The following ZMAT4 variants were observed in gnomAD, a reference collection of about 807,000 sequenced individuals.
ZMAT4 encodes the protein zinc finger matrin-type 4.
A neutral mutation model predicts 28.7 loss-of-function variants in ZMAT4; 17 were observed. That is an observed-to-expected ratio of 0.59 (90% CI 0.41 to 0.89). The LOEUF is 0.89. ZMAT4 is among the 40% of genes least tolerant of loss of function. The probability of loss-of-function intolerance (pLI) is 0.00; values close to 1 mark genes in which losing one functional copy is unlikely to be tolerated. For synonymous variants in ZMAT4, 117 were observed against 109.2 expected (o/e 1.07, Z -0.44); for missense variants, 240 against 283.8 (o/e 0.85, Z 1.11).
chr8:40,743,683 A>C (rs896028483), intron 3 of ZMAT4, among the ~76,000 whole-genome samples: 1 of 152,214 alleles, frequency 6.6e-6, no homozygotes, highest in Non-Finnish European at 1.5e-5. Flanking sequence ...CATACACCGC[A>C]AAACAGAATT....
At chr8:40,820,249 TATG>T (rs1815705328) in intron 2 of ZMAT4, among the ~76,000 whole-genome samples, 11 of 151,154 alleles carry the variant, frequency 7.3e-5, no homozygotes, top group Admixed American at 4.6e-4. Context: ...TGTGCGCATA[TATG>T]TGAGTATTGG....
In ZMAT4 at chr8:40,831,056, C is replaced by T. The variant is rs149009941; in HGVS notation, c.-4-5376G>A. On this transcript the variant is annotated intron_variant, in intron 1 of 6. Coordinates refer to ENST00000297737, the MANE Select transcript of ZMAT4 (RefSeq NM_024645.3). ...CGTTATTCTTATTTTCAAAGGAATG[C>T]TGTAAATATTTAAGAAGAGAAATAA... Among the ~76,000 whole-genome samples, 845 of 152,224 alleles carry T rather than the reference C, an allele frequency of 5.6e-3. 9 individuals carry two copies. The highest frequency in any genetic ancestry group is 0.031 in the Middle Eastern group (9 of 294).
chr8:40,801,996 A>T (rs2150587975), intron 2 of ZMAT4, among the ~76,000 whole-genome samples: 1 of 152,360 alleles, frequency 6.6e-6, no homozygotes, highest in Admixed American at 6.5e-5. Flanking sequence ...CTATTAAAAG[A>T]TGCAGAAAAA....
intron 5 of ZMAT4, among the ~76,000 whole-genome samples, chr8:40,608,990 G>C (rs890076031): frequency 6.6e-6 from 1 of 152,164 alleles, no homozygotes; most frequent in Non-Finnish European, 1.5e-5. Flanking sequence ...TTCCTGGTAT[G>C]TTCCTGCGGT....
At position 40,530,889 on chromosome 8, in the gene ZMAT4, C is replaced by G. The variant is rs1308450072; in HGVS notation, c.*1334G>C. On this transcript the variant is annotated 3_prime_UTR_variant, in exon 7 of 7. Transcript: ENST00000297737. Reference sequence around the variant, plus strand: ...ATTTTGAACACAGGTAAACAGGCTCCTTCATAACAACACTGTGCATTTCTG... The same window carrying G: ...ATTTTGAACACAGGTAAACAGGCTCGTTCATAACAACACTGTGCATTTCTG... The G allele has an allele frequency of 3.3e-5, 5 of 152,574 alleles. No homozygotes were observed. The highest frequency in any genetic ancestry group is 3.3e-4 in the Admixed American group (5 of 15,274). The allele number at this position is 152,574 out of a possible 1,614,324, so 9.5% of individuals were successfully genotyped here. A position where few individuals can be genotyped will look rare whatever the true frequency, so the allele number is the denominator to read the frequency against.
intron 2 of ZMAT4, among the ~76,000 whole-genome samples, chr8:40,791,916 G>A (rs1043915681): frequency 2.0e-5 from 3 of 152,150 alleles, no homozygotes; most frequent in African/African-American, 7.2e-5. Context: ...GAGGGCCGCT[G>A]CACAGCAGAG....
At chr8:40,615,825 C>G (rs1045610652) in intron 5 of ZMAT4, among the ~76,000 whole-genome samples, 1 of 152,046 alleles carries the variant, frequency 6.6e-6, no homozygotes, top group Admixed American at 6.6e-5. Context: ...GTTAGCTATT[C>G]GTCTAATCTT....
chr8:40,598,209 CT>C (rs563305352), intron 5 of ZMAT4, among the ~76,000 whole-genome samples: 145 of 152,176 alleles, frequency 9.5e-4, no homozygotes, highest in Admixed American at 1.8e-3. Context: ...TGTTTGTTTG[CT>C]TTTTACTTTA....
chr8:40,697,939 A>T (rs1019085807), intron 3 of ZMAT4, among the ~76,000 whole-genome samples: 1 of 152,184 alleles, frequency 6.6e-6, no homozygotes, highest in African/African-American at 2.4e-5. Context: ...CTCTAATTGG[A>T]CCCATTATAC....
chr8:40,659,764 G>A (rs1337085559), intron 5 of ZMAT4, among the ~76,000 whole-genome samples: 2 of 152,102 alleles, frequency 1.3e-5, no homozygotes, highest in Admixed American at 1.3e-4. Context: ...GGAGACTGAG[G>A]CCCAGAGAGA....
intron 3 of ZMAT4, among the ~76,000 whole-genome samples, chr8:40,723,073 G>A (rs1237757524): frequency 6.6e-6 from 1 of 152,150 alleles, no homozygotes; most frequent in Non-Finnish European, 1.5e-5. Context: ...CAGCAACAGA[G>A]GTGTCACTTG....
intron 3 of ZMAT4, among the ~76,000 whole-genome samples, chr8:40,761,890 T>G (rs1038522387): frequency 1.3e-5 from 2 of 152,244 alleles, no homozygotes; most frequent in Non-Finnish European, 2.9e-5. Flanking sequence ...ACAGCAATTA[T>G]ATTGCTTGAT....
chr8:40,772,611 T>G (rs975158880), intron 2 of ZMAT4, among the ~76,000 whole-genome samples: 1 of 151,970 alleles, frequency 6.6e-6, no homozygotes, highest in Non-Finnish European at 1.5e-5. Flanking sequence ...TCCACCTTCA[T>G]CATCTTATTT....
At chr8:40,741,404 G>A (rs552282869) in intron 3 of ZMAT4, among the ~76,000 whole-genome samples, 1 of 149,158 alleles carries the variant, frequency 6.7e-6, no homozygotes, top group Non-Finnish European at 1.5e-5. Flanking sequence ...CCTAAATTGC[G>A]CTACTTCACT....
At chr8:40,659,102 A>C (rs192140733) in intron 5 of ZMAT4, among the ~76,000 whole-genome samples, 16 of 152,358 alleles carry the variant, frequency 1.1e-4, no homozygotes, top group African/African-American at 3.1e-4. Context: ...ATTAGAAACA[A>C]CATATATGAT....
At chr8:40,607,902 A>G (rs1482155921) in intron 5 of ZMAT4, among the ~76,000 whole-genome samples, 1 of 151,854 alleles carries the variant, frequency 6.6e-6, no homozygotes, top group Admixed American at 6.6e-5. Context: ...TCTCTCAGCC[A>G]TGGATACCAG....
intron 1 of ZMAT4, among the ~76,000 whole-genome samples, chr8:40,858,435 T>G (rs181304226): frequency 1.0e-3 from 156 of 152,294 alleles, no homozygotes; most frequent in African/African-American, 3.5e-3. Flanking sequence ...GGAATTGAGA[T>G]CTGGTGGTAA....
intron 2 of ZMAT4, among the ~76,000 whole-genome samples, chr8:40,773,308 G>T (rs961808988): frequency 6.6e-6 from 1 of 152,148 alleles, no homozygotes; most frequent in Non-Finnish European, 1.5e-5. Flanking sequence ...GGAAGACCCC[G>T]AGGTGCCAGG....
chr8:40,564,087 G>C (rs1803837418), intron 6 of ZMAT4, among the ~76,000 whole-genome samples: 1 of 151,982 alleles, frequency 6.6e-6, no homozygotes. Context: ...ACTTATTTTT[G>C]GTCTGTCCTC....
Sources: gnomAD v4.1 joint callset for allele counts (sites outside exome capture counted in the v4.1 genomes callset) on GRCh38, gnomAD v4.1.1 for gene constraint, MANE v1.5 for transcripts, NCBI Gene and HGNC (gene_info 2026-07-23, HGNC 2026-07-21) for gene names.